Variants in SLC2A6 observed in about 807,000 individuals in gnomAD.
SLC2A6 encodes the protein solute carrier family 2, facilitated glucose transporter member 6.
Under a neutral mutation model 47.8 loss-of-function variants are expected in SLC2A6, and 39 were observed. The ratio of observed to expected loss-of-function variants is 0.82; its 90% CI spans 0.63 to 1.07. The LOEUF (loss-of-function observed/expected upper bound fraction) is 1.07, where lower values mean the gene tolerates loss of function less well. Among genes scored for constraint, SLC2A6 ranks in the 50% least tolerant of loss-of-function variants. The pLI, the probability that SLC2A6 is intolerant of heterozygous loss-of-function variation, is 0.00. For synonymous variants in SLC2A6, 346 were observed against 324.1 expected (o/e 1.07, Z -0.73); for missense variants, 650 against 707.6 (o/e 0.92, Z 0.92).
At chr9:133,472,960 G>C in intron 9 of SLC2A6, 145 bp downstream of exon 9, 4 of 839,094 alleles carry the variant, frequency 4.8e-6, no homozygotes, top group Non-Finnish European at 7.2e-6. Flanking sequence ...TGGGGTCTCT[G>C]AGTTCAGGGG....
At chr9:133,478,927 C>T in intron 1 of SLC2A6, 41 bp downstream of exon 1, 5 of 1,509,508 alleles carry the variant, frequency 3.3e-6, no homozygotes, top group Non-Finnish European at 4.4e-6. Context: ...CCAGGGCCAC[C>T]CCCAGGCCCC....
chr9:133,472,202 C>CA (rs1458513352), intron 9 of SLC2A6, 26 bp from the exon 10 acceptor site: 9 of 1,609,558 alleles, frequency 5.6e-6, no homozygotes, highest in Non-Finnish European at 7.6e-6. Flanking sequence ...GGGGCCGGGT[C>CA]ACAGGGAGAA....
Position 133,477,116 on chromosome 9 carries a change from C to T in SLC2A6, c.381G>A (p.Ala127=), listed in dbSNP as rs113580891. The stretch of plus-strand genomic sequence containing the variant: ...GCAGCATCCAGAGGCCGTGCGCACC[C>T]GCCATGAGCGCATAGCCGGCCGCCG... ...VPSAAGYALM[A]GAHGLWMLLL... The change falls in exon 3 of 10, where the codon GCG becomes GCA. Residue 127 remains alanine (A), a synonymous_variant. Transcript: ENST00000371899. 190 of 1,548,850 alleles carry T rather than the reference C, an allele frequency of 1.2e-4. 4 individuals are homozygous for T. Among genetic ancestry groups the T allele is most frequent in the African/African-American group, 1.1e-3 (81 of 73,112 alleles).
intron 1 of SLC2A6, 162 bp from the exon 2 acceptor site, chr9:133,478,578 G>A (rs1466365777): frequency 1.3e-6 from 1 of 743,940 alleles, no homozygotes; most frequent in East Asian, 2.7e-5. Context: ...AGCTCCCCTG[G>A]GAAATTCCCA....
chr9:133,474,344 C>T (rs765848608), intron 6 of SLC2A6, among the ~76,000 whole-genome samples: 6 of 152,226 alleles, frequency 3.9e-5, no homozygotes, highest in African/African-American at 7.2e-5. Context: ...CTTGCTGAAC[C>T]GTGCTGTTAC....
Position 133,478,346 on chromosome 9 carries a change from C to A in SLC2A6, c.163G>T (p.Ala55Ser). The A allele has an allele frequency of 1.2e-6, 2 of 1,614,170 alleles. No individual in the cohort carries two copies. The highest frequency in any genetic ancestry group is 1.7e-6 in the Non-Finnish European group (2 of 1,180,028). Residue 55 changes from alanine (A) to serine (S), a missense_variant, in exon 2 of 10, where the codon GCC (alanine) becomes TCC (serine). Ala to Ser is a moderately conservative substitution (Grantham distance 99). Transcript: ENST00000371899. ...ATGACAGGGGATGTGTAGACCAGGGCATACCCAAAGCTGAAATTGCCGAGC... is the reference window on the plus strand; with the variant it reads ...ATGACAGGGGATGTGTAGACCAGGGAATACCCAAAGCTGAAATTGCCGAGC... Reference protein sequence around the residue: ...AVLGNFSFGYALVYTSPVIPA... With the variant: ...AVLGNFSFGYSLVYTSPVIPA...
Position 133,471,709 on chromosome 9 carries a change from A to T in SLC2A6, c.*312T>A. 7 of 286,008 alleles carry T rather than the reference A, an allele frequency of 2.4e-5. No homozygotes were observed. Among genetic ancestry groups the T allele is most frequent in the South Asian group, 9.8e-5 (1 of 10,226 alleles). The allele number at this position is 286,008 out of a possible 1,614,324, so 17.7% of individuals were successfully genotyped here. ...TAGCCTTCTGTGGGGCGTGTCCTTCACGCAAGGGAAAGGGACTAGGCCTGA... is the reference window on the plus strand; with the variant it reads ...TAGCCTTCTGTGGGGCGTGTCCTTCTCGCAAGGGAAAGGGACTAGGCCTGA... On this transcript the variant is annotated 3_prime_UTR_variant, in exon 10 of 10. Transcript: ENST00000371899.
At position 133,473,746 on chromosome 9, in the gene SLC2A6, C is replaced by G. The variant is rs587712242; in HGVS notation, c.1037-146G>C. ...CCCCCAGCAGGGCAGCAAGCTCTGT[C>G]TCCAGCCGCGTGTTAGGCTCCCACC... On this transcript the variant is annotated intron_variant, in intron 7 of 9. Coordinates refer to ENST00000371899, the MANE Select transcript of SLC2A6 (RefSeq NM_017585.4). 2.9e-5 allele frequency: 26 copies of G among 891,612 alleles called. No homozygotes were observed. In the African/African-American group the frequency reaches 3.7e-4, roughly 13 times the overall value. 55.2% of individuals were successfully genotyped at this position (891,612 alleles called of 1,614,324 possible). A position where few individuals can be genotyped will look rare whatever the true frequency, so the allele number is the denominator to read the frequency against.
At chr9:133,474,542 G>A (rs901384692) in intron 6 of SLC2A6, among the ~76,000 whole-genome samples, 31 of 152,072 alleles carry the variant, frequency 2.0e-4, no homozygotes, top group African/African-American at 6.8e-4. Context: ...CTATAAAGCT[G>A]GTTTCCTTTG....
chr9:133,476,495 G>A (rs587694954), intron 3 of SLC2A6, 159 bp from the exon 4 acceptor site: 46 of 642,542 alleles, frequency 7.2e-5, no homozygotes, highest in South Asian at 5.2e-4. Context: ...GACCTTGGGC[G>A]GCCTGCCTGA....
At chr9:133,478,513 C>T in intron 1 of SLC2A6, 97 bp from the exon 2 acceptor site, 2 of 1,450,598 alleles carry the variant, frequency 1.4e-6, no homozygotes, top group Admixed American at 1.8e-5. Flanking sequence ...GCTCAGCGGG[C>T]AGTGCTAGGG....
At chr9:133,475,347 A>G (rs1843900842) in intron 5 of SLC2A6, 53 bp downstream of exon 5, 1 of 1,520,976 alleles carries the variant, frequency 6.6e-7, no homozygotes, top group African/African-American at 1.4e-5. Flanking sequence ...GGCCACACAC[A>G]GCTGAAGTGC....
In SLC2A6 at chr9:133,477,015, G is replaced by C; in HGVS notation, c.462+20C>G. On this transcript the variant is annotated intron_variant, in intron 3 of 9. Coordinates refer to ENST00000371899, the MANE Select transcript of SLC2A6 (RefSeq NM_017585.4). Reference sequence around the variant, plus strand: ...AATACAGAGGCATTGGGGCGCCTGGGTGGGAAGGCCTGGCCTTACCGGGAT... The same window carrying C: ...AATACAGAGGCATTGGGGCGCCTGGCTGGGAAGGCCTGGCCTTACCGGGAT... 1 of 1,546,948 alleles carries C rather than the reference G, an allele frequency of 6.5e-7. No homozygotes were observed. Among genetic ancestry groups the C allele is most frequent in the African/African-American group, 1.4e-5 (1 of 73,002 alleles).
Position 133,475,488 on chromosome 9 carries a change from T to G in SLC2A6, c.686A>C (p.Glu229Ala). The G allele has an allele frequency of 1.2e-6, 2 of 1,611,736 alleles. No individual in the cohort carries two copies. The highest frequency in any genetic ancestry group is 1.7e-6 in the Non-Finnish European group (2 of 1,179,916). ...CAGCCAGGCCAGCGCCCGCAGGGCC[T>G]CTTCGTCCCTGCCCCGAGAGAGCAG... ...RFLLSRGRDE[E>A]ALRALAWLRG... Residue 229 changes from glutamate (E) to alanine (A), a missense_variant, in exon 5 of 10, where the codon GAG becomes GCG. Transcript: ENST00000371899.
chr9:133,476,649 T>C (rs1554803439), intron 3 of SLC2A6, among the ~76,000 whole-genome samples: 3 of 152,106 alleles, frequency 2.0e-5, no homozygotes, highest in African/African-American at 7.3e-5. Flanking sequence ...CAGTGAGTTT[T>C]GTCTCCTCTG....
Position 133,473,398 on chromosome 9 carries a change from GCCA to G in SLC2A6, c.1222+14_1222+16del, listed in dbSNP as rs370897365. 115 of 1,579,140 alleles carry G rather than the reference GCCA, an allele frequency of 7.3e-5. 1 individual carries two copies. In the East Asian group the frequency reaches 1.6e-3, roughly 23 times the overall value. On this transcript the variant is annotated intron_variant, in intron 8 of 9. Coordinates refer to ENST00000371899, the MANE Select transcript of SLC2A6 (RefSeq NM_017585.4). ...CACCCAAGACAGCCTGCCCCTCTGA[GCCA>G]CCACCACACCTACCCATGATGAAGA...
rs146427075 is a variant in SLC2A6, at chr9:133,476,243, C to T, written c.556G>A (p.Ala186Thr). Residue 186 changes from alanine to threonine, a missense_variant, in exon 4 of 10, where the codon GCC (alanine) becomes ACC (threonine). By Grantham distance (58) the Ala-to-Thr change is moderately conservative (BLOSUM62 0). Coordinates refer to ENST00000371899, the MANE Select transcript of SLC2A6 (RefSeq NM_017585.4). ...MAVFGSLSLY[A>T]LGLLLPWRWL... ...AGTGCGGGGCCATACTTGCCAAGGG[C>T]GTAGAGGGACAGGGATCCGAACACT... 6.1e-5 allele frequency: 98 copies of T among 1,612,144 alleles called. No individual in the cohort carries two copies. The highest frequency in any genetic ancestry group is 6.5e-5 in the Non-Finnish European group (77 of 1,179,414).
chr9:133,473,517 C>T lies in SLC2A6; in HGVS notation c.1120G>A (p.Gly374Ser), dbSNP rs1242963169. The change falls in exon 8 of 10, where the codon GGC (glycine) becomes AGC (serine). Residue 374 changes from glycine (G) to serine (S), a missense_variant. Gly to Ser is a moderately conservative substitution (Grantham distance 56). Transcript: ENST00000371899. ...TCCCCCCAGGACTCGCTTTCCAGGCCCGCAGTGCTGTTGGGGCTCAGAGGC... is the reference window on the plus strand; with the variant it reads ...TCCCCCCAGGACTCGCTTTCCAGGCTCGCAGTGCTGTTGGGGCTCAGAGGC... Reference protein sequence around the residue: ...PRPLSPNSTAGLESESWGDLA... With the variant: ...PRPLSPNSTASLESESWGDLA... 4 of 1,596,560 alleles carry T rather than the reference C, an allele frequency of 2.5e-6. No homozygotes were observed. Among genetic ancestry groups the T allele is most frequent in the Non-Finnish European group, 3.4e-6 (4 of 1,173,534 alleles).
chr9:133,473,471 G>A lies in SLC2A6; in HGVS notation c.1166C>T (p.Ala389Val). The A allele has an allele frequency of 6.2e-7, 1 of 1,604,384 alleles. No homozygotes were observed. The highest frequency in any genetic ancestry group is 8.5e-7 in the Non-Finnish European group (1 of 1,176,846). ...SWGDLAQPLA[A>V]PAGYLTLVPL... The stretch of plus-strand genomic sequence containing the variant: ...CACCAGGGTGAGGTAGCCAGCGGGT[G>A]CTGCCAGGGGCTGCGCCAAGTCCCC... Residue 389 changes from alanine (A) to valine (V), a missense_variant, in exon 8 of 10, where the codon GCA becomes GTA. By Grantham distance (64) the Ala-to-Val change is moderately conservative. Transcript: ENST00000371899.
Sources: allele counts gnomAD v4.1 joint callset (sites outside exome capture counted in the v4.1 genomes callset), GRCh38; gene constraint gnomAD v4.1.1; transcripts MANE v1.5; gene names NCBI Gene and HGNC (gene_info 2026-07-23, HGNC 2026-07-21).